Variants in RCOR1 observed in about 807,000 individuals in gnomAD.
RCOR1 encodes the protein REST corepressor.
RCOR1 carries 12 observed loss-of-function variants against 64.0 expected under a neutral mutation model. That is an observed-to-expected ratio of 0.19 (90% CI 0.12 to 0.30). The LOEUF is 0.30. Ranked by LOEUF, RCOR1 falls within the 10% of genes least tolerant of loss-of-function variation. The probability of loss-of-function intolerance (pLI) is 1.00; values close to 1 mark genes in which losing one functional copy is unlikely to be tolerated. For synonymous variants in RCOR1, 279 were observed against 227.2 expected (o/e 1.23, Z -2.05); for missense variants, 502 against 621.2 (o/e 0.81, Z 2.04).
At chr14:102,602,861 A>G (rs549356297) in intron 2 of RCOR1, among the ~76,000 whole-genome samples, 52 of 152,078 alleles carry the variant, frequency 3.4e-4, no homozygotes, top group Admixed American at 5.2e-4. Context: ...ATGAGCCAGT[A>G]TGCCTGACTG....
At chr14:102,686,819 G>A (rs1397383073) in intron 3 of RCOR1, among the ~76,000 whole-genome samples, 1 of 152,194 alleles carries the variant, frequency 6.6e-6, no homozygotes. Flanking sequence ...TTTATCTGGT[G>A]TATTGTCATG....
rs369583966 is a variant in RCOR1, at chr14:102,636,952, CAA to C, written c.361+43628_361+43629del. Among the ~76,000 whole-genome samples the C allele has an allele frequency of 2.0e-3, 303 of 152,022 alleles. 4 individuals carry two copies. The highest frequency in any genetic ancestry group is 6.8e-3 in the East Asian group (35 of 5,116). ...CACCATTGCACTCCAGCCTGGGTGA[CAA>C]GAGTGAAACTCTGTTTCAAAAAAAC... On this transcript the variant is annotated intron_variant, in intron 2 of 11. Transcript: ENST00000262241.
At chr14:102,692,756 CTTTT>C (rs60473382) in intron 3 of RCOR1, among the ~76,000 whole-genome samples, 1 of 123,936 alleles carries the variant, frequency 8.1e-6, no homozygotes, top group East Asian at 2.3e-4. Context: ...TTCCTTCCTT[CTTTT>C]TCTTTTTCTT....
intron 2 of RCOR1, among the ~76,000 whole-genome samples, chr14:102,606,912 G>T (rs1166345684): frequency 6.9e-6 from 1 of 145,674 alleles, no homozygotes; most frequent in Non-Finnish European, 1.5e-5. Context: ...TTGTTTTTTT[G>T]ATTTTTTTGG....
chr14:102,630,607 G>A (rs1352445887), intron 2 of RCOR1, among the ~76,000 whole-genome samples: 2 of 152,112 alleles, frequency 1.3e-5, no homozygotes, highest in South Asian at 2.1e-4. Context: ...GAGCTTCCTC[G>A]GATTGGTCCT....
intron 3 of RCOR1, chr14:102,695,507 A>AAAGGAGGG (rs1257177837): frequency 3.3e-5 from 5 of 152,188 alleles, no homozygotes; most frequent in African/African-American, 1.2e-4. Flanking sequence ...TAAAAGAAGG[A>AAAGGAGGG]AAGGAGGGAA....
chr14:102,639,479 ATTAAT>A (rs1339343386), intron 2 of RCOR1, among the ~76,000 whole-genome samples: 4 of 148,592 alleles, frequency 2.7e-5, no homozygotes, highest in Non-Finnish European at 5.9e-5. Flanking sequence ...TGTCTGGCTA[ATTAAT>A]TTATTTTTTA....
At chr14:102,686,054 A>G (rs977195641) in intron 3 of RCOR1, among the ~76,000 whole-genome samples, 6 of 152,208 alleles carry the variant, frequency 3.9e-5, no homozygotes, top group Non-Finnish European at 7.3e-5. Flanking sequence ...GTATCAAATT[A>G]TCACATGTAC....
intron 2 of RCOR1, among the ~76,000 whole-genome samples, chr14:102,640,529 G>A (rs890286065): frequency 6.6e-6 from 1 of 152,096 alleles, no homozygotes; most frequent in Non-Finnish European, 1.5e-5. Flanking sequence ...TTGTATTTTG[G>A]TTGCAATTTT....
At chr14:102,679,712 T>A (rs1031151411) in intron 2 of RCOR1, among the ~76,000 whole-genome samples, 1 of 152,182 alleles carries the variant, frequency 6.6e-6, no homozygotes, top group East Asian at 1.9e-4. Context: ...TCCCCTGACT[T>A]CATGATCCTC....
intron 7 of RCOR1, among the ~76,000 whole-genome samples, chr14:102,713,321 C>T (rs1595242755): frequency 6.9e-6 from 1 of 145,040 alleles, no homozygotes; most frequent in East Asian, 2.1e-4. Context: ...TGCAGTGGTG[C>T]AATCTCGGCT....
chr14:102,598,512 A>T (rs1893315363), intron 2 of RCOR1, among the ~76,000 whole-genome samples: 1 of 148,050 alleles, frequency 6.8e-6, no homozygotes, highest in Admixed American at 6.9e-5. Flanking sequence ...CAGTGGTGTA[A>T]TCCGGGCTCA....
In RCOR1 at chr14:102,728,336, G is replaced by T. The variant is rs1896310530; in HGVS notation, c.*1830G>T. On this transcript the variant is annotated 3_prime_UTR_variant, in exon 12 of 12. Transcript: ENST00000262241. ...ATTGCTGCTGCTACCTGGAGACAGG[G>T]TTAGCAAAATAACACTAGTGATGAG... is the stretch of plus-strand genomic sequence containing the variant. 6.6e-6 allele frequency: 1 copy of T among 152,116 alleles called. No individual in the cohort carries two copies. Among genetic ancestry groups the T allele is most frequent in the African/African-American group, 2.4e-5 (1 of 41,398 alleles). The allele number at this position is 152,116 out of a possible 1,614,324, so 9.4% of individuals were successfully genotyped here.
At chr14:102,638,222 A>G (rs911462048) in intron 2 of RCOR1, among the ~76,000 whole-genome samples, 5 of 152,238 alleles carry the variant, frequency 3.3e-5, no homozygotes, top group East Asian at 1.9e-4. Context: ...CTGAAGTTCT[A>G]TTAACAATTG....
In RCOR1 at chr14:102,708,489, C is replaced by T. The variant is rs1420700865; in HGVS notation, c.685C>T (p.Leu229=). 4 of 1,585,410 alleles carry T rather than the reference C, an allele frequency of 2.5e-6. No individual in the cohort carries two copies. In the South Asian group the frequency reaches 4.4e-5, roughly 18 times the overall value. The change falls in exon 6 of 12, where the codon CTG becomes TTG. Residue 229 remains leucine, a synonymous_variant. Transcript: ENST00000262241. ...GCTTCCAGATAAATCTATAGCAAGTCTGGTGAAATTTTACTATTCTTGGAA... is the reference window on the plus strand; with the variant it reads ...GCTTCCAGATAAATCTATAGCAAGTTTGGTGAAATTTTACTATTCTTGGAA... The part of the protein sequence containing the change: ...QMLPDKSIAS[L]VKFYYSWKKT...
intron 3 of RCOR1, among the ~76,000 whole-genome samples, chr14:102,696,808 CT>C (rs71305075): frequency 0.039 from 2,248 of 57,490 alleles, 26 homozygotes; most frequent in Middle Eastern, 0.081. Context: ...ATCTGCTTAT[CT>C]TTTTTTTTTT....
intron 2 of RCOR1, among the ~76,000 whole-genome samples, chr14:102,640,554 T>A (rs1052351053): frequency 1.1e-4 from 16 of 152,252 alleles, no homozygotes; most frequent in East Asian, 3.9e-4. Context: ...AATTAATTTT[T>A]AAAAAATGTA....
chr14:102,716,143 C>G (rs1215715625), intron 8 of RCOR1, among the ~76,000 whole-genome samples: 1 of 152,230 alleles, frequency 6.6e-6, no homozygotes, highest in Non-Finnish European at 1.5e-5. Flanking sequence ...TCCCTGATGA[C>G]TAATGAGGTT....
At chr14:102,724,093 T>C (rs758969365) in intron 11 of RCOR1, among the ~76,000 whole-genome samples, 4 of 152,078 alleles carry the variant, frequency 2.6e-5, no homozygotes, top group Admixed American at 6.6e-5. Context: ...ACCGTGTGGA[T>C]TGCATTATCA....
Sources: gnomAD v4.1 joint callset for allele counts (sites outside exome capture counted in the v4.1 genomes callset) on GRCh38, gnomAD v4.1.1 for gene constraint, MANE v1.5 for transcripts, NCBI Gene and HGNC (gene_info 2026-07-23, HGNC 2026-07-21) for gene names.